Variants in SNTG1 observed in about 807,000 individuals in gnomAD.
The protein encoded by SNTG1 is gamma-1-syntrophin.
In SNTG1, 39 loss-of-function variants were observed where a neutral mutation model predicts 74.7. The observed-to-expected ratio is 0.52, with a 90% CI of 0.40 to 0.68. The LOEUF (loss-of-function observed/expected upper bound fraction) is 0.68. SNTG1 is among the 30% of genes least tolerant of loss of function. The pLI is 0.00. For missense variants in SNTG1, 685 were observed against 609.5 expected (o/e 1.12, Z -1.30); for synonymous variants, 254 against 217.1 (o/e 1.17, Z -1.49).
At chr8:49,972,004 G>A (rs945381714) in intron 1 of SNTG1, among the ~76,000 whole-genome samples, 1 of 152,172 alleles carries the variant, frequency 6.6e-6, no homozygotes. Context: ...TCACAGAATT[G>A]GAAAAAACTA....
chr8:50,621,343 A>C (rs963929470), intron 13 of SNTG1, among the ~76,000 whole-genome samples: 2 of 152,188 alleles, frequency 1.3e-5, no homozygotes, highest in African/African-American at 4.8e-5. Context: ...CCTTACAAGC[A>C]CAAAGTAGGT....
intron 1 of SNTG1, among the ~76,000 whole-genome samples, chr8:50,125,712 G>A (rs1437485319): frequency 6.7e-6 from 1 of 149,534 alleles, no homozygotes; most frequent in African/African-American, 2.4e-5. Context: ...TGATACAAAG[G>A]TGTCATTGTA....
Position 50,142,034 on chromosome 8 carries a change from AACTT to A in SNTG1, c.-102-30522_-102-30519del, listed in dbSNP as rs2081676858. Among the ~76,000 whole-genome samples the A allele has an allele frequency of 5.3e-5, 8 of 152,204 alleles. No homozygotes were observed. The South Asian group carries it at 1.7e-3, about 32-fold the overall frequency. Reference sequence around the variant, plus strand: ...ATCAGCTCACACTCTATTTTTCTATAACTTACTTTTTATCTTTAAATGTTATGAC... The same window carrying A: ...ATCAGCTCACACTCTATTTTTCTATAACTTTTTATCTTTAAATGTTATGAC... On this transcript the variant is annotated intron_variant, in intron 1 of 18. Transcript: ENST00000642720.
intron 18 of SNTG1, among the ~76,000 whole-genome samples, chr8:50,773,197 C>A (rs1242902496): frequency 2.0e-5 from 3 of 152,084 alleles, no homozygotes; most frequent in African/African-American, 7.2e-5. Context: ...TAAGATCACA[C>A]CTACTTGAAT....
chr8:50,568,680 A>G (rs974647177), intron 12 of SNTG1, among the ~76,000 whole-genome samples: 7 of 151,770 alleles, frequency 4.6e-5, no homozygotes, highest in African/African-American at 1.5e-4. Context: ...TTTTAATCTG[A>G]TTTTTTTAGT....
At chr8:50,577,677 G>A (rs2094584915) in intron 12 of SNTG1, among the ~76,000 whole-genome samples, 1 of 152,106 alleles carries the variant, frequency 6.6e-6, no homozygotes, top group Admixed American at 6.5e-5. Flanking sequence ...TGTTGGCAAA[G>A]CAAGAATGTG....
intron 13 of SNTG1, among the ~76,000 whole-genome samples, chr8:50,597,911 A>G (rs1162964297): frequency 2.0e-5 from 3 of 151,800 alleles, no homozygotes; most frequent in African/African-American, 4.8e-5. Context: ...ATCCAATTAC[A>G]TGGTTTCTTG....
chr8:49,997,834 AGAG>A (rs1323409962), intron 1 of SNTG1, among the ~76,000 whole-genome samples: 1 of 152,122 alleles, frequency 6.6e-6, no homozygotes, highest in African/African-American at 2.4e-5. Context: ...TCATGTCTTT[AGAG>A]ATTATGCTAA....
chr8:50,767,588 G>T (rs2095616916), intron 18 of SNTG1, among the ~76,000 whole-genome samples: 1 of 151,852 alleles, frequency 6.6e-6, no homozygotes, highest in African/African-American at 2.4e-5. Context: ...CCCAATTGAA[G>T]CCTTGAGCGG....
chr8:50,696,270 G>A (rs2095404826), intron 15 of SNTG1, among the ~76,000 whole-genome samples: 1 of 151,826 alleles, frequency 6.6e-6, no homozygotes, highest in African/African-American at 2.4e-5. Flanking sequence ...GTTTTCTTTT[G>A]ACAAAATGTC....
chr8:50,492,367 G>A (rs2131890248), intron 8 of SNTG1, among the ~76,000 whole-genome samples: 1 of 152,256 alleles, frequency 6.6e-6, no homozygotes, highest in East Asian at 1.9e-4. Flanking sequence ...GTAAAAGCAA[G>A]CGTTCCTACT....
rs1378468504 is a variant in SNTG1, at chr8:50,734,919, G to A, written c.1285-17082G>A. Among the ~76,000 whole-genome samples, 24 of 132,244 alleles carry A rather than the reference G, an allele frequency of 1.8e-4. 3 individuals are homozygous for A. Among genetic ancestry groups the A allele is most frequent in the Admixed American group, 1.5e-4 (2 of 12,908 alleles). The allele number at this position is 132,244 out of a possible 152,430, so 86.8% of individuals were successfully genotyped here. ...TGGACATATATATATCTATATATATGTCCATATACATATATAGATATATAT... is the reference window on the plus strand; with the variant it reads ...TGGACATATATATATCTATATATATATCCATATACATATATAGATATATAT... On this transcript the variant is annotated intron_variant, in intron 17 of 18. Transcript: ENST00000642720.
At chr8:50,456,675 G>T (rs1001037775) in intron 8 of SNTG1, among the ~76,000 whole-genome samples, 1 of 152,046 alleles carries the variant, frequency 6.6e-6, no homozygotes, top group African/African-American at 2.4e-5. Flanking sequence ...CCACAATGGG[G>T]GTCAAGTTTC....
rs139219854 is a variant in SNTG1, at chr8:50,753,601, G to A, written c.1395+1490G>A. Among the ~76,000 whole-genome samples, 182 of 151,944 alleles carry A rather than the reference G, an allele frequency of 1.2e-3. 2 individuals carry two copies. Among genetic ancestry groups the A allele is most frequent in the East Asian group, 3.5e-3 (18 of 5,134 alleles). On this transcript the variant is annotated intron_variant, in intron 18 of 18. Transcript: ENST00000642720. ...TATTTAGATATTAATTTAGTGTAGCGTGTATTATACATGCAATTAATTATA... is the reference window on the plus strand; with the variant it reads ...TATTTAGATATTAATTTAGTGTAGCATGTATTATACATGCAATTAATTATA...
At chr8:49,942,329 A>AT (rs1366172404) in intron 1 of SNTG1, among the ~76,000 whole-genome samples, 5 of 152,188 alleles carry the variant, frequency 3.3e-5, no homozygotes, top group Non-Finnish European at 7.4e-5. Flanking sequence ...AATAAATTTT[A>AT]TTTTTTGAGT....
chr8:50,036,280 C>T lies in SNTG1; in HGVS notation c.-103+124049C>T, dbSNP rs748765412. Among the ~76,000 whole-genome samples the T allele has an allele frequency of 4.7e-4, 72 of 152,230 alleles. No homozygotes were observed. The Middle Eastern group carries it at 0.01, about 22-fold the overall frequency. The stretch of plus-strand genomic sequence containing the variant: ...ATTGATAAGAAAATGACAACTATGA[C>T]GTCTCTATGCAGCTCCTGCATAGTC... On this transcript the variant is annotated intron_variant, in intron 1 of 18. Coordinates refer to ENST00000642720, the MANE Select transcript of SNTG1 (RefSeq NM_018967.5).
intron 1 of SNTG1, among the ~76,000 whole-genome samples, chr8:50,165,127 G>A (rs141646688): frequency 6.6e-6 from 1 of 152,154 alleles, no homozygotes; most frequent in Non-Finnish European, 1.5e-5. Context: ...GTTGAGTTCT[G>A]CTTTGATGAG....
chr8:50,697,769 C>T (rs2095410257), intron 15 of SNTG1, among the ~76,000 whole-genome samples: 2 of 152,242 alleles, frequency 1.3e-5, no homozygotes, highest in African/African-American at 4.8e-5. Flanking sequence ...ATCATTCTTG[C>T]ATCTCTGGTG....
intron 12 of SNTG1, among the ~76,000 whole-genome samples, chr8:50,586,486 G>C (rs1311304936): frequency 2.6e-5 from 4 of 151,978 alleles, no homozygotes; most frequent in Non-Finnish European, 5.9e-5. Flanking sequence ...CAGCCTCCTT[G>C]GATTGTTTGG....
Sources: gnomAD v4.1 joint callset for allele counts (sites outside exome capture counted in the v4.1 genomes callset) on GRCh38, gnomAD v4.1.1 for gene constraint, MANE v1.5 for transcripts, NCBI Gene and HGNC (gene_info 2026-07-23, HGNC 2026-07-21) for gene names.